Variants in NRXN3 observed in about 807,000 individuals in gnomAD.
The protein encoded by NRXN3 is neurexin III.
A neutral mutation model predicts 137.6 loss-of-function variants in NRXN3; 32 were observed. That is an observed-to-expected ratio of 0.23 (90% CI 0.18 to 0.31). NRXN3 has a LOEUF of 0.31. NRXN3 is among the 10% of genes least tolerant of loss of function. The pLI is 1.00. For synonymous variants in NRXN3, 798 were observed against 784.5 expected, an observed-to-expected ratio of 1.02 and a Z score of -0.29; for missense variants, 1,574 against 2,062.5, an observed-to-expected ratio of 0.76 and a Z score of 4.59.
At chr14:78,655,022 G>A (rs2097774243) in intron 6 of NRXN3, among the ~76,000 whole-genome samples, 1 of 152,146 alleles carries the variant, frequency 6.6e-6, no homozygotes, top group Non-Finnish European at 1.5e-5. Flanking sequence ...AAGGCTAAGA[G>A]GAATGATTGG....
At position 79,029,871 on chromosome 14, in the gene NRXN3, G is replaced by A. The variant is rs770080170; in HGVS notation, c.3262+41730G>A. Among the ~76,000 whole-genome samples, 17 of 151,828 alleles carry A rather than the reference G, an allele frequency of 1.1e-4. 1 individual carries two copies. The highest frequency in any genetic ancestry group is 2.5e-4 in the Non-Finnish European group (17 of 67,926). ...GTTTATTTATTTATTTATAAAACAG[G>A]GACTCATTTTTTTCACCCAGGCCTG... On this transcript the variant is annotated intron_variant, in intron 15 of 20. Transcript: ENST00000335750.
intron 15 of NRXN3, among the ~76,000 whole-genome samples, chr14:79,256,885 A>G (rs2076651829): frequency 6.6e-6 from 1 of 152,160 alleles, no homozygotes; most frequent in Admixed American, 6.5e-5. Flanking sequence ...GTCTGTGTGC[A>G]CATGTGTGTG....
At chr14:79,571,159 T>C (rs1488711513) in intron 16 of NRXN3, among the ~76,000 whole-genome samples, 1 of 152,190 alleles carries the variant, frequency 6.6e-6, no homozygotes, top group Non-Finnish European at 1.5e-5. Flanking sequence ...ACCCAATGGA[T>C]GCCTGCAATA....
In NRXN3 at chr14:79,061,621, A is replaced by G. The variant is rs77346475; in HGVS notation, c.3262+73480A>G. 7.2e-3 allele frequency among the ~76,000 whole-genome samples: 1,098 copies of G among 152,304 alleles called. 15 individuals carry two copies. Among genetic ancestry groups the G allele is most frequent in the African/African-American group, 0.026 (1,068 of 41,560 alleles). Reference sequence around the variant, plus strand: ...CACTGCAGTGGAATGCTGTGAAACAATGAACTGGCATTGTAGAAGCTGGCA... The same window carrying G: ...CACTGCAGTGGAATGCTGTGAAACAGTGAACTGGCATTGTAGAAGCTGGCA... On this transcript the variant is annotated intron_variant, in intron 15 of 20. Transcript: ENST00000335750.
chr14:79,484,133 C>T (rs373403629), intron 16 of NRXN3, among the ~76,000 whole-genome samples: 2 of 152,180 alleles, frequency 1.3e-5, no homozygotes, highest in African/African-American at 2.4e-5. Flanking sequence ...TGCAGGGCAG[C>T]GGCATGAGAG....
At chr14:78,456,179 CA>C in intron 4 of NRXN3, among the ~76,000 whole-genome samples, 1 of 152,288 alleles carries the variant, frequency 6.6e-6, no homozygotes, top group South Asian at 2.1e-4. Context: ...TGACAGTCGA[CA>C]CCCCCCTACG....
At chr14:79,031,794 T>A (rs545905684) in intron 15 of NRXN3, among the ~76,000 whole-genome samples, 18 of 152,312 alleles carry the variant, frequency 1.2e-4, no homozygotes, top group African/African-American at 4.1e-4. Context: ...TATAAACATG[T>A]TAAAAACATG....
At chr14:79,232,321 G>A (rs1398549075) in intron 15 of NRXN3, among the ~76,000 whole-genome samples, 1 of 151,982 alleles carries the variant, frequency 6.6e-6, no homozygotes, top group African/African-American at 2.4e-5. Context: ...CTTTAATCTA[G>A]CCTTGTTAAA....
chr14:78,534,021 TTAAG>T (rs1377639128), intron 4 of NRXN3, among the ~76,000 whole-genome samples: 1 of 152,220 alleles, frequency 6.6e-6, no homozygotes, highest in Non-Finnish European at 1.5e-5. Flanking sequence ...CTTTTCCCCA[TTAAG>T]TAATGGTGCA....
intron 1 of NRXN3, among the ~76,000 whole-genome samples, chr14:78,210,703 A>G (rs1291870074): frequency 6.6e-6 from 1 of 151,976 alleles, no homozygotes; most frequent in African/African-American, 2.4e-5. Context: ...CCAGGCAACC[A>G]CGATGTAGTT....
intron 4 of NRXN3, among the ~76,000 whole-genome samples, chr14:78,466,529 T>C (rs537572145): frequency 6.6e-6 from 1 of 152,296 alleles, no homozygotes; most frequent in South Asian, 2.1e-4. Flanking sequence ...GGCTAAAAGA[T>C]GTAGAAAAGA....
chr14:79,585,700 A>AAC (rs1009607195), intron 16 of NRXN3, among the ~76,000 whole-genome samples: 9 of 151,256 alleles, frequency 6.0e-5, no homozygotes, highest in African/African-American at 2.2e-4. Flanking sequence ...AAAACAAAAA[A>AAC]AAAAAAAACC....
chr14:78,385,111 G>A (rs2089745723), intron 4 of NRXN3, among the ~76,000 whole-genome samples: 1 of 151,920 alleles, frequency 6.6e-6, no homozygotes, highest in East Asian at 1.9e-4. Context: ...AGTAAAACAA[G>A]GACTCACTCC....
chr14:79,439,991 G>C (rs193112972), intron 15 of NRXN3, among the ~76,000 whole-genome samples: 2 of 152,298 alleles, frequency 1.3e-5, no homozygotes, highest in Non-Finnish European at 2.9e-5. Flanking sequence ...AGTATAAATT[G>C]TACCAAGCAA....
At chr14:78,644,756 C>G (rs1057350930) in intron 4 of NRXN3, among the ~76,000 whole-genome samples, 2 of 152,238 alleles carry the variant, frequency 1.3e-5, no homozygotes, top group African/African-American at 4.8e-5. Flanking sequence ...TAAACCAGCT[C>G]TTCTACAAGC....
chr14:78,580,084 A>T (rs527547448), intron 4 of NRXN3, among the ~76,000 whole-genome samples: 1 of 152,264 alleles, frequency 6.6e-6, no homozygotes, highest in East Asian at 1.9e-4. Flanking sequence ...TTTTATCTTT[A>T]TTAACTGCCA....
At chr14:79,276,011 G>A (rs776310632) in intron 15 of NRXN3, among the ~76,000 whole-genome samples, 12 of 151,946 alleles carry the variant, frequency 7.9e-5, no homozygotes, top group Non-Finnish European at 1.2e-4. Flanking sequence ...TTTTCATCCT[G>A]TAGCTATACA....
At chr14:78,330,548 G>GGTT (rs1179177159) in intron 4 of NRXN3, among the ~76,000 whole-genome samples, 4 of 152,060 alleles carry the variant, frequency 2.6e-5, no homozygotes, top group Non-Finnish European at 5.9e-5. Context: ...ATTAATCTCA[G>GGTT]AGCTAATCTA....
chr14:78,449,443 G>A (rs1057095825), intron 4 of NRXN3, among the ~76,000 whole-genome samples: 3 of 152,134 alleles, frequency 2.0e-5, no homozygotes, highest in South Asian at 4.2e-4. Context: ...TGAACTCCTG[G>A]CCCCAAGTGA....
Sources: allele counts gnomAD v4.1 joint callset (sites outside exome capture counted in the v4.1 genomes callset), GRCh38; gene constraint gnomAD v4.1.1; transcripts MANE v1.5; gene names NCBI Gene and HGNC (gene_info 2026-07-23, HGNC 2026-07-21).